The following CCDC149 variants were observed in gnomAD, a reference collection of about 807,000 sequenced individuals.
CCDC149 encodes coiled-coil domain-containing protein 149.
A neutral mutation model predicts 59.9 loss-of-function variants in CCDC149; 45 were observed. The ratio of observed to expected loss-of-function variants is 0.75; its 90% CI spans 0.59 to 0.96. The LOEUF (loss-of-function observed/expected upper bound fraction) is 0.96, where lower values mean the gene tolerates loss of function less well. Among genes scored for constraint, CCDC149 ranks in the 40% least tolerant of loss-of-function variants. The pLI is 0.00. For synonymous variants in CCDC149, 245 were observed against 260.6 expected, an observed-to-expected ratio of 0.94 and a Z score of 0.58; for missense variants, 584 against 664.7, an observed-to-expected ratio of 0.88 and a Z score of 1.33.
At chr4:24,829,867 G>A (rs1284650263) in intron 9 of CCDC149, 2 of 152,300 alleles carry the variant, frequency 1.3e-5, no homozygotes, top group African/African-American at 4.8e-5. Flanking sequence ...GGAAGGAGAG[G>A]AGGCCTTCTT....
Position 24,832,449 on chromosome 4 carries a change from C to G in CCDC149, c.821-799G>C, listed in dbSNP as rs181649985. 3.0e-4 allele frequency among the ~76,000 whole-genome samples: 46 copies of G among 152,308 alleles called. 1 individual carries two copies. In the East Asian group the frequency reaches 8.9e-3, roughly 29 times the overall value. ...TTTGTTACTCCACAAACTGCCAAAT[C>G]CCATTCACGGCCAAGTTCAAAATGA... On this transcript the variant is annotated intron_variant, in intron 8 of 12. Transcript: ENST00000635206.
At chr4:24,965,440 ATATGTTCTCTG>A (rs2109363802) in intron 1 of CCDC149, among the ~76,000 whole-genome samples, 1 of 144,024 alleles carries the variant, frequency 6.9e-6, no homozygotes, top group East Asian at 2.1e-4. Flanking sequence ...GTCATGCCAA[ATATGTTCTCTG>A]ACCACAGTGG....
chr4:24,816,888 G>A (rs1313657042), intron 12 of CCDC149, among the ~76,000 whole-genome samples: 2 of 152,144 alleles, frequency 1.3e-5, no homozygotes, highest in East Asian at 1.9e-4. Flanking sequence ...CCGAAAAGGC[G>A]ATTCATCTTC....
chr4:24,820,837 A>G (rs1361649181), intron 11 of CCDC149, among the ~76,000 whole-genome samples: 1 of 152,224 alleles, frequency 6.6e-6, no homozygotes, highest in African/African-American at 2.4e-5. Context: ...AAGAACAAAC[A>G]GGGCCACAGC....
intron 1 of CCDC149, among the ~76,000 whole-genome samples, chr4:24,976,761 G>A (rs1477590398): frequency 2.0e-5 from 3 of 152,120 alleles, no homozygotes; most frequent in African/African-American, 4.8e-5. Context: ...TCTGGCCTGC[G>A]CTGGTATAGT....
At chr4:24,966,874 C>G (rs1235223659) in intron 1 of CCDC149, among the ~76,000 whole-genome samples, 1 of 152,198 alleles carries the variant, frequency 6.6e-6, no homozygotes, top group Non-Finnish European at 1.5e-5. Context: ...CACTGGGCGA[C>G]TGGAGGCCAC....
chr4:24,948,948 C>T (rs374664013), intron 1 of CCDC149, among the ~76,000 whole-genome samples: 87 of 152,306 alleles, frequency 5.7e-4, no homozygotes, highest in African/African-American at 1.9e-3. Context: ...CTCTGATCTT[C>T]GTTCATCTTC....
At chr4:24,979,039 T>C (rs1288634096) in intron 1 of CCDC149, among the ~76,000 whole-genome samples, 1 of 152,108 alleles carries the variant, frequency 6.6e-6, no homozygotes, top group Non-Finnish European at 1.5e-5. Flanking sequence ...GGGAACACTT[T>C]GAGAGAGCAG....
intron 12 of CCDC149, among the ~76,000 whole-genome samples, chr4:24,809,816 G>T (rs1193927672): frequency 6.6e-6 from 1 of 152,208 alleles, no homozygotes; most frequent in Non-Finnish European, 1.5e-5. Context: ...CTGTAGTGGG[G>T]CTTGCTATCA....
rs574804172 is a variant in CCDC149, at chr4:24,839,833, C to A, written c.373-1561G>T. 2.0e-5 allele frequency among the ~76,000 whole-genome samples: 3 copies of A among 152,152 alleles called. No individual in the cohort carries two copies. In the South Asian group the frequency reaches 6.2e-4, roughly 32 times the overall value. On this transcript the variant is annotated intron_variant, in intron 4 of 12. Transcript: ENST00000635206. Reference sequence around the variant, plus strand: ...TTTTATGGAGGTTTTAAGTCTGATTCCACACCTCCCCGTAGGGCAGATGTG... The same window carrying A: ...TTTTATGGAGGTTTTAAGTCTGATTACACACCTCCCCGTAGGGCAGATGTG...
At chr4:24,976,650 T>G (rs1724211730) in intron 1 of CCDC149, among the ~76,000 whole-genome samples, 1 of 152,024 alleles carries the variant, frequency 6.6e-6, no homozygotes, top group African/African-American at 2.4e-5. Flanking sequence ...GAGGCAGAGA[T>G]TGCAGTGAGC....
In CCDC149 at chr4:24,873,411, AAC is replaced by A. The variant is rs1719182692; in HGVS notation, c.264+268_264+269del. Among the ~76,000 whole-genome samples the A allele has an allele frequency of 2.0e-5, 3 of 152,344 alleles. No individual in the cohort carries two copies. The South Asian group carries it at 6.2e-4, about 32-fold the overall frequency. ...GAACAGTAGGTAGCTCAAGTCCTGT[AAC>A]CATGTGCCCTCAACTCTATCTCCCA... On this transcript the variant is annotated intron_variant, in intron 3 of 12. Coordinates refer to ENST00000635206, the MANE Select transcript of CCDC149 (RefSeq NM_001330643.2).
intron 12 of CCDC149, among the ~76,000 whole-genome samples, chr4:24,813,842 A>T (rs902452974): frequency 5.9e-5 from 9 of 152,172 alleles, no homozygotes; most frequent in Non-Finnish European, 1.2e-4. Flanking sequence ...AGGGACTTTA[A>T]GACTAAAATG....
At chr4:24,971,243 G>A (rs890513077) in intron 1 of CCDC149, among the ~76,000 whole-genome samples, 4 of 152,186 alleles carry the variant, frequency 2.6e-5, no homozygotes, top group African/African-American at 9.6e-5. Flanking sequence ...AGCATAGCTG[G>A]GATCCTAGTA....
intron 1 of CCDC149, among the ~76,000 whole-genome samples, chr4:24,932,278 C>T (rs1272234460): frequency 2.0e-5 from 3 of 152,202 alleles, no homozygotes; most frequent in Non-Finnish European, 2.9e-5. Context: ...AAATCTTCAA[C>T]AGATCTGATC....
intron 1 of CCDC149, among the ~76,000 whole-genome samples, chr4:24,887,578 A>G (rs1720262273): frequency 6.6e-6 from 1 of 151,970 alleles, no homozygotes; most frequent in Non-Finnish European, 1.5e-5. Context: ...TCCCCCATCC[A>G]GCAATACCTC....
intron 1 of CCDC149, among the ~76,000 whole-genome samples, chr4:24,923,469 T>A (rs893132747): frequency 6.6e-6 from 1 of 152,076 alleles, no homozygotes; most frequent in African/African-American, 2.4e-5. Flanking sequence ...ACCAAGATGA[T>A]AAATGCTGTG....
chr4:24,911,125 A>G (rs1721846536), intron 1 of CCDC149, among the ~76,000 whole-genome samples: 1 of 152,198 alleles, frequency 6.6e-6, no homozygotes, highest in Non-Finnish European at 1.5e-5. Flanking sequence ...TGCTGCATAC[A>G]GAGCTCTGTG....
At chr4:24,921,691 C>A (rs766735377) in intron 1 of CCDC149, among the ~76,000 whole-genome samples, 6 of 152,202 alleles carry the variant, frequency 3.9e-5, no homozygotes, top group Non-Finnish European at 7.4e-5. Flanking sequence ...CTCTGGCCTG[C>A]ATTTCATGGG....
Sources: gnomAD v4.1 joint callset for allele counts (sites outside exome capture counted in the v4.1 genomes callset) on GRCh38, gnomAD v4.1.1 for gene constraint, MANE v1.5 for transcripts, NCBI Gene and HGNC (gene_info 2026-07-23, HGNC 2026-07-21) for gene names.